Variants in STX8 observed in about 807,000 individuals in gnomAD.
The protein encoded by STX8 is syntaxin-8.
Under a neutral mutation model 37.5 loss-of-function variants are expected in STX8, and 23 were observed. That is an observed-to-expected ratio of 0.61 (90% CI 0.44 to 0.87). STX8 has a LOEUF of 0.87. Among genes scored for constraint, STX8 ranks in the 40% least tolerant of loss-of-function variants. STX8 has a pLI of 0.00. For synonymous variants in STX8, 115 were observed against 99.1 expected, an observed-to-expected ratio of 1.16 and a Z score of -0.95; for missense variants, 313 against 284.7, an observed-to-expected ratio of 1.10 and a Z score of -0.71.
chr17:9,457,867 G>A (rs1313223356), intron 6 of STX8, among the ~76,000 whole-genome samples: 1 of 152,182 alleles, frequency 6.6e-6, no homozygotes, highest in African/African-American at 2.4e-5. Context: ...CGGGTTACCT[G>A]CCCATTATCA....
intron 7 of STX8, among the ~76,000 whole-genome samples, chr17:9,320,136 C>T (rs904741210): frequency 1.3e-5 from 2 of 151,814 alleles, no homozygotes; most frequent in Non-Finnish European, 2.9e-5. Flanking sequence ...AGTTCAAGAC[C>T]AGCCTGACCA....
chr17:9,352,289 T>C (rs1910731984), intron 7 of STX8, among the ~76,000 whole-genome samples: 1 of 152,108 alleles, frequency 6.6e-6, no homozygotes, highest in South Asian at 2.1e-4. Context: ...ATCTGTGTGG[T>C]GATACTTTCA....
At chr17:9,493,063 A>G (rs868439954) in intron 5 of STX8, among the ~76,000 whole-genome samples, 62 of 150,640 alleles carry the variant, frequency 4.1e-4, no homozygotes, top group Admixed American at 1.6e-3. Context: ...GCGCCAATGC[A>G]CTCCAGCCTG....
At chr17:9,537,752 T>C (rs1173026924) in intron 4 of STX8, among the ~76,000 whole-genome samples, 2 of 152,228 alleles carry the variant, frequency 1.3e-5, no homozygotes, top group East Asian at 3.8e-4. Context: ...ATTTAAAATA[T>C]AGATCAAGAG....
chr17:9,284,594 AT>A (rs1908009923), intron 7 of STX8, among the ~76,000 whole-genome samples: 3 of 152,044 alleles, frequency 2.0e-5, no homozygotes, highest in South Asian at 2.1e-4. Context: ...TGTTTAAAAA[AT>A]TTTTTTTCTT....
intron 4 of STX8, among the ~76,000 whole-genome samples, chr17:9,516,749 AAGG>A (rs1404809863): frequency 6.6e-6 from 1 of 152,180 alleles, no homozygotes; most frequent in East Asian, 1.9e-4. Flanking sequence ...TCTTGCTTTC[AAGG>A]AGTTTATAAT....
intron 6 of STX8, among the ~76,000 whole-genome samples, chr17:9,418,869 A>C: frequency 7.2e-6 from 1 of 138,916 alleles, no homozygotes; most frequent in Non-Finnish European, 1.6e-5. Flanking sequence ...GGAGAGGAAC[A>C]TTTGAGAATG....
intron 4 of STX8, among the ~76,000 whole-genome samples, chr17:9,530,325 AAAAC>A (rs1905766804): frequency 6.6e-6 from 1 of 152,106 alleles, no homozygotes; most frequent in African/African-American, 2.4e-5. Context: ...AAAAAAAAAA[AAAAC>A]AGCACTGCTA....
chr17:9,571,078 CAAGGTTAGACTTAAAGGAG>C (rs1907670613), intron 1 of STX8, among the ~76,000 whole-genome samples: 2 of 152,136 alleles, frequency 1.3e-5, no homozygotes, highest in Non-Finnish European at 2.9e-5. Flanking sequence ...ACCAGTCTAA[CAAGGTTAGACTTAAAGGAG>C]AATTTCAGAG....
At chr17:9,437,266 G>C (rs1904468844) in intron 6 of STX8, among the ~76,000 whole-genome samples, 1 of 152,162 alleles carries the variant, frequency 6.6e-6, no homozygotes, top group Non-Finnish European at 1.5e-5. Flanking sequence ...GCTCAAAATG[G>C]CTAGTTTCTT....
chr17:9,568,517 T>C (rs766876694), intron 1 of STX8, 47 bp from the exon 2 acceptor site: 3 of 1,522,636 alleles, frequency 2.0e-6, no homozygotes, highest in Admixed American at 1.8e-5. Flanking sequence ...TTCTTTTTTT[T>C]TGAGACGGAG....
At chr17:9,462,189 C>T (rs545226424) in intron 6 of STX8, among the ~76,000 whole-genome samples, 12 of 152,134 alleles carry the variant, frequency 7.9e-5, no homozygotes, top group East Asian at 1.9e-4. Flanking sequence ...CTGGTTCTAT[C>T]GGAGGAGAAG....
chr17:9,521,325 C>T (rs984453362), intron 4 of STX8, among the ~76,000 whole-genome samples: 12 of 152,128 alleles, frequency 7.9e-5, no homozygotes, highest in Admixed American at 5.2e-4. Flanking sequence ...AAGGGAAATT[C>T]CACAAGTGTT....
At chr17:9,461,242 GCAGATA>G (rs966439477) in intron 6 of STX8, 11 of 152,038 alleles carry the variant, frequency 7.2e-5, no homozygotes, top group African/African-American at 2.7e-4. Context: ...CAAAACACAA[GCAGATA>G]CACAGAACCC....
intron 6 of STX8, among the ~76,000 whole-genome samples, chr17:9,423,566 C>T (rs574899365): frequency 5.6e-4 from 85 of 152,274 alleles, no homozygotes; most frequent in African/African-American, 1.3e-3. Flanking sequence ...CCTTGTCATC[C>T]GCCCGCTTCA....
chr17:9,403,564 A>G (rs1381449699), intron 6 of STX8, among the ~76,000 whole-genome samples: 1 of 152,202 alleles, frequency 6.6e-6, no homozygotes, highest in Admixed American at 6.5e-5. Context: ...ATTATTTAGA[A>G]ATAGACATTC....
At chr17:9,568,503 A>G (rs901701136) in intron 1 of STX8, 33 bp from the exon 2 acceptor site, 1 of 1,580,140 alleles carries the variant, frequency 6.3e-7, no homozygotes, top group African/African-American at 1.4e-5. Flanking sequence ...GAAAATGTTT[A>G]AGGTTCTTTT....
chr17:9,296,059 G>A (rs575598388), intron 7 of STX8, among the ~76,000 whole-genome samples: 32 of 151,806 alleles, frequency 2.1e-4, no homozygotes, highest in African/African-American at 2.2e-4. Flanking sequence ...GGGCGGTGGC[G>A]GGTGCCTGTA....
At chr17:9,528,629 C>T (rs1022275956) in intron 4 of STX8, among the ~76,000 whole-genome samples, 1 of 152,066 alleles carries the variant, frequency 6.6e-6, no homozygotes, top group Non-Finnish European at 1.5e-5. Flanking sequence ...TTATAATGTG[C>T]ATGTATCATG....
Sources: gnomAD v4.1 joint callset for allele counts (sites outside exome capture counted in the v4.1 genomes callset) on GRCh38, gnomAD v4.1.1 for gene constraint, MANE v1.5 for transcripts, NCBI Gene and HGNC (gene_info 2026-07-23, HGNC 2026-07-21) for gene names.